Variants in NKAIN2 observed in about 807,000 individuals in gnomAD.
The protein encoded by NKAIN2 is sodium/potassium transporting ATPase interacting 2.
In NKAIN2, 14 loss-of-function variants were observed where a neutral mutation model predicts 32.6. That is an observed-to-expected ratio of 0.43 (90% confidence interval 0.28 to 0.67). NKAIN2 has a LOEUF of 0.67. NKAIN2 is among the 30% of genes least tolerant of loss of function. NKAIN2 has a pLI of 0.17. For synonymous variants in NKAIN2, 80 were observed against 87.2 expected (o/e 0.92, Z 0.46); for missense variants, 198 against 258.3 (o/e 0.77, Z 1.60).
chr6:123,971,990 A>C (rs1778365897), intron 1 of NKAIN2, among the ~76,000 whole-genome samples: 2 of 152,136 alleles, frequency 1.3e-5, no homozygotes, highest in African/African-American at 4.8e-5. Context: ...CCACCCCTGA[A>C]ACAGTAAGAC....
rs545479610 is a variant in NKAIN2, at chr6:124,156,468, GC to G, written c.55-126535del. Among the ~76,000 whole-genome samples the G allele has an allele frequency of 1.4e-3, 208 of 152,210 alleles. 2 individuals carry two copies. The highest frequency in any genetic ancestry group is 4.9e-3 in the African/African-American group (205 of 41,544). ...TGAAGCAGGAGGAGTCAGTCATATA[GC>G]CATCTGGGGAAAGAGTGTGTCAGGA... is the stretch of plus-strand genomic sequence containing the variant. On this transcript the variant is annotated intron_variant, in intron 1 of 6. Coordinates refer to ENST00000368417, the MANE Select transcript of NKAIN2 (RefSeq NM_001040214.3).
chr6:124,754,036 A>G (rs1276692922), intron 4 of NKAIN2, among the ~76,000 whole-genome samples: 1 of 152,070 alleles, frequency 6.6e-6, no homozygotes, highest in Non-Finnish European at 1.5e-5. Flanking sequence ...TCATGAGTCT[A>G]TTTTAGTAAG....
chr6:124,756,130 AT>A (rs1255699691), intron 4 of NKAIN2, among the ~76,000 whole-genome samples: 1 of 152,146 alleles, frequency 6.6e-6, no homozygotes, highest in Non-Finnish European at 1.5e-5. Flanking sequence ...ACAAAGATAT[AT>A]TTTTACATAA....
rs574469752 is a variant in NKAIN2, at chr6:124,367,921, G to A, written c.273+12574G>A. 3.9e-5 allele frequency among the ~76,000 whole-genome samples: 6 copies of A among 152,160 alleles called. No individual in the cohort carries two copies. In the East Asian group the frequency reaches 9.7e-4, roughly 25 times the overall value. On this transcript the variant is annotated intron_variant, in intron 3 of 6. Coordinates refer to ENST00000368417, the MANE Select transcript of NKAIN2 (RefSeq NM_001040214.3). Reference sequence around the variant, plus strand: ...TCAAGGTTTTCAGAAAATTACAGTGGTGTCCATTTTTTAAAATTCAAATAT... The same window carrying A: ...TCAAGGTTTTCAGAAAATTACAGTGATGTCCATTTTTTAAAATTCAAATAT...
At chr6:123,926,458 C>T (rs930441780) in intron 1 of NKAIN2, among the ~76,000 whole-genome samples, 6 of 150,804 alleles carry the variant, frequency 4.0e-5, no homozygotes, top group East Asian at 1.9e-4. Context: ...CCCACTGCTC[C>T]GTTCCCCAGA....
At chr6:124,257,930 C>T (rs947998065) in intron 1 of NKAIN2, among the ~76,000 whole-genome samples, 9 of 151,734 alleles carry the variant, frequency 5.9e-5, no homozygotes, top group African/African-American at 2.2e-4. Context: ...AGGCACCCGC[C>T]ACCAGCCCCC....
At chr6:124,766,451 T>C (rs946567782) in intron 4 of NKAIN2, among the ~76,000 whole-genome samples, 1 of 152,178 alleles carries the variant, frequency 6.6e-6, no homozygotes, top group African/African-American at 2.4e-5. Context: ...CACCTGTCCC[T>C]TCCACGCACC....
chr6:124,499,740 A>G (rs981371616), intron 3 of NKAIN2, among the ~76,000 whole-genome samples: 1 of 152,234 alleles, frequency 6.6e-6, no homozygotes, highest in South Asian at 2.1e-4. Flanking sequence ...TTTATATGGC[A>G]TCACTTATAT....
chr6:124,249,496 C>A (rs573170025), intron 1 of NKAIN2, among the ~76,000 whole-genome samples: 1 of 152,178 alleles, frequency 6.6e-6, no homozygotes, highest in African/African-American at 2.4e-5. Flanking sequence ...ACTAAGAAGA[C>A]AGGATGAGGC....
At chr6:123,897,882 A>T (rs1342800799) in intron 1 of NKAIN2, among the ~76,000 whole-genome samples, 1 of 152,126 alleles carries the variant, frequency 6.6e-6, no homozygotes, top group Non-Finnish European at 1.5e-5. Flanking sequence ...CTGGTTCTGT[A>T]CTGTAGCAAA....
intron 3 of NKAIN2, among the ~76,000 whole-genome samples, chr6:124,471,549 A>G (rs143901066): frequency 7.6e-4 from 116 of 152,230 alleles, no homozygotes; most frequent in East Asian, 4.2e-3. Context: ...ATTTCAGTAC[A>G]TCAGCTGCTT....
intron 1 of NKAIN2, among the ~76,000 whole-genome samples, chr6:123,905,893 T>C (rs1774842398): frequency 6.6e-6 from 1 of 152,184 alleles, no homozygotes; most frequent in South Asian, 2.1e-4. Context: ...ATATAAAATA[T>C]GTATTTTGAC....
At chr6:124,156,207 C>T (rs987680814) in intron 1 of NKAIN2, among the ~76,000 whole-genome samples, 1 of 152,116 alleles carries the variant, frequency 6.6e-6, no homozygotes, top group Non-Finnish European at 1.5e-5. Context: ...TTATGGATGA[C>T]TAAGGTTTAA....
chr6:123,885,635 T>A (rs1424722485), intron 1 of NKAIN2, among the ~76,000 whole-genome samples: 2 of 151,984 alleles, frequency 1.3e-5, no homozygotes, highest in African/African-American at 2.4e-5. Flanking sequence ...TTGAGACAAA[T>A]GTGTTTTCCG....
chr6:124,501,887 G>A (rs1225772005), intron 3 of NKAIN2, among the ~76,000 whole-genome samples: 3 of 151,856 alleles, frequency 2.0e-5, no homozygotes, highest in Non-Finnish European at 4.4e-5. Flanking sequence ...AAATTTAGAG[G>A]TATGGAAACA....
intron 1 of NKAIN2, among the ~76,000 whole-genome samples, chr6:124,123,019 T>G (rs537102775): frequency 1.3e-5 from 2 of 152,308 alleles, no homozygotes; most frequent in East Asian, 3.9e-4. Context: ...TCATTTTTCC[T>G]GTGATTTTAA....
intron 1 of NKAIN2, among the ~76,000 whole-genome samples, chr6:124,260,568 G>A (rs183118710): frequency 1.0e-3 from 156 of 152,248 alleles, no homozygotes; most frequent in African/African-American, 3.1e-3. Flanking sequence ...CTAGTGGAGG[G>A]AATTGCAGGA....
At chr6:123,980,860 T>C (rs1255159461) in intron 1 of NKAIN2, among the ~76,000 whole-genome samples, 1 of 151,774 alleles carries the variant, frequency 6.6e-6, no homozygotes, top group Non-Finnish European at 1.5e-5. Context: ...TGTTCTATGC[T>C]TTTTTTCACT....
intron 3 of NKAIN2, among the ~76,000 whole-genome samples, chr6:124,415,602 C>T (rs932472219): frequency 1.3e-5 from 2 of 152,136 alleles, no homozygotes; most frequent in Non-Finnish European, 2.9e-5. Context: ...CCTTCATCCC[C>T]TATTTCTCCT....
Sources: gnomAD v4.1 joint callset for allele counts (sites outside exome capture counted in the v4.1 genomes callset) on GRCh38, gnomAD v4.1.1 for gene constraint, MANE v1.5 for transcripts, NCBI Gene and HGNC (gene_info 2026-07-23, HGNC 2026-07-21) for gene names.